ARB2A: variants seen among roughly 807,000 people sequenced by gnomAD.
The protein encoded by ARB2A is cotranscriptional regulator ARB2A.
At chr5:93,864,267 G>A in the ARB2A span, among the ~76,000 whole-genome samples, 1 of 152,076 alleles carries the variant, frequency 6.6e-6, no homozygotes, top group Non-Finnish European at 1.5e-5. Context: ...AACAATGAGT[G>A]TTGTAAAATG....
the ARB2A span, among the ~76,000 whole-genome samples, chr5:93,655,489 C>G: frequency 5.3e-5 from 8 of 152,168 alleles, no homozygotes; most frequent in Admixed American, 5.2e-4. Context: ...CAAATTTCCT[C>G]TCTTTAGGGC....
the ARB2A span, chr5:93,740,764 C>T: frequency 1.7e-5 from 27 of 1,611,700 alleles, no homozygotes; most frequent in South Asian, 1.1e-5. Flanking sequence ...ATTGGTTGGT[C>T]GACTGCCCAT....
the ARB2A span, among the ~76,000 whole-genome samples, chr5:94,094,984 C>A: frequency 6.6e-6 from 1 of 152,218 alleles, no homozygotes; most frequent in Admixed American, 6.5e-5. Flanking sequence ...CCCATGACGT[C>A]ATGATCACGT....
chr5:93,993,966 T>A, the ARB2A span, among the ~76,000 whole-genome samples: 2 of 152,144 alleles, frequency 1.3e-5, no homozygotes, highest in Non-Finnish European at 2.9e-5. Flanking sequence ...ATGGGCCACC[T>A]GAGGCAGGCA....
chr5:93,876,423 A>G, the ARB2A span, among the ~76,000 whole-genome samples: 35 of 152,292 alleles, frequency 2.3e-4, no homozygotes, highest in South Asian at 5.6e-3. Context: ...ACACTATTTC[A>G]TAGTTAAGAA....
chr5:93,720,183 A>G, the ARB2A span, among the ~76,000 whole-genome samples: 1 of 152,220 alleles, frequency 6.6e-6, no homozygotes, highest in African/African-American at 2.4e-5. Context: ...TAGATATTAA[A>G]GACGCTTTAT....
chr5:94,080,889 T>C, the ARB2A span, among the ~76,000 whole-genome samples: 2 of 152,142 alleles, frequency 1.3e-5, no homozygotes, highest in African/African-American at 4.8e-5. Context: ...TTCCAAAAAA[T>C]CTAAGCTATA....
At chr5:93,819,152 C>T in the ARB2A span, among the ~76,000 whole-genome samples, 1 of 137,534 alleles carries the variant, frequency 7.3e-6, no homozygotes, top group Admixed American at 8.0e-5. Flanking sequence ...CGCCACTGCA[C>T]TCCAGCCTGG....
the ARB2A span, among the ~76,000 whole-genome samples, chr5:93,895,024 A>G: frequency 0.012 from 1,800 of 152,288 alleles, 40 homozygotes; most frequent in African/African-American, 0.041. Context: ...CAGGAAGGGA[A>G]TTGATAATAA....
chr5:93,746,606 C>T, the ARB2A span, among the ~76,000 whole-genome samples: 1 of 152,086 alleles, frequency 6.6e-6, no homozygotes, highest in Admixed American at 6.5e-5. Flanking sequence ...GAAACAAATG[C>T]TCATGACACA....
chr5:93,729,652 A>T, the ARB2A span, among the ~76,000 whole-genome samples: 2 of 152,162 alleles, frequency 1.3e-5, no homozygotes, highest in Non-Finnish European at 2.9e-5. Context: ...GAAATCAAAC[A>T]ATTGCTTATA....
chr5:93,703,671 CTAGAGAAGGT>C, the ARB2A span, among the ~76,000 whole-genome samples: 1 of 152,184 alleles, frequency 6.6e-6, no homozygotes, highest in Admixed American at 6.5e-5. Flanking sequence ...ACTGTAGTTA[CTAGAGAAGGT>C]ATCTCTACAC....
At chr5:93,633,070 C>T in the ARB2A span, among the ~76,000 whole-genome samples, 1 of 152,176 alleles carries the variant, frequency 6.6e-6, no homozygotes, top group East Asian at 1.9e-4. Flanking sequence ...TTCTTCACTT[C>T]TACAGATGGT....
chr5:93,940,094 T>C, the ARB2A span, among the ~76,000 whole-genome samples: 71 of 152,086 alleles, frequency 4.7e-4, no homozygotes, highest in Non-Finnish European at 7.4e-5. Context: ...TTACCAGCTT[T>C]CCAATATAAA....
At chr5:94,084,866 A>G in the ARB2A span, among the ~76,000 whole-genome samples, 1 of 152,206 alleles carries the variant, frequency 6.6e-6, no homozygotes, top group Non-Finnish European at 1.5e-5. Flanking sequence ...ATACATGATC[A>G]ATTTCAAATG....
At chr5:94,067,482 A>T in the ARB2A span, among the ~76,000 whole-genome samples, 1 of 152,196 alleles carries the variant, frequency 6.6e-6, no homozygotes, top group Non-Finnish European at 1.5e-5. Context: ...AATTCAATAA[A>T]TAACAGTATA....
chr5:93,726,749 G>C, the ARB2A span, among the ~76,000 whole-genome samples: 1 of 152,048 alleles, frequency 6.6e-6, no homozygotes, highest in Non-Finnish European at 1.5e-5. Flanking sequence ...TAACTGAAAT[G>C]AGTAGATTAT....
At chr5:93,880,176 A>T in the ARB2A span, among the ~76,000 whole-genome samples, 5 of 151,824 alleles carry the variant, frequency 3.3e-5, no homozygotes, top group South Asian at 1.0e-3. Context: ...AAATATTATA[A>T]TCTGCTTGAT....
At chr5:93,713,017 T>C in the ARB2A span, among the ~76,000 whole-genome samples, 5 of 152,202 alleles carry the variant, frequency 3.3e-5, 1 homozygote, top group Admixed American at 2.6e-4. Context: ...AGAAGAATGA[T>C]ACTAGACCCC....
Sources: gnomAD v4.1 joint callset for allele counts (sites outside exome capture counted in the v4.1 genomes callset) on GRCh38, gnomAD v4.1.1 for gene constraint, MANE v1.5 for transcripts, NCBI Gene and HGNC (gene_info 2026-07-23, HGNC 2026-07-21) for gene names.